Variants in UBN2 observed in about 807,000 individuals in gnomAD.
UBN2 encodes the protein ubinuclein-2.
Under a neutral mutation model 120.2 loss-of-function variants are expected in UBN2, and 35 were observed. That is an observed-to-expected ratio of 0.29 (90% CI 0.22 to 0.39). The LOEUF (loss-of-function observed/expected upper bound fraction) is 0.39, where lower values mean the gene tolerates loss of function less well. Among genes scored for constraint, UBN2 ranks in the 10% least tolerant of loss-of-function variants. UBN2 has a pLI of 1.00. For missense variants in UBN2, 1,693 were observed against 1,663.2 expected (o/e 1.02, Z -0.31); for synonymous variants, 661 against 648.7 (o/e 1.02, Z -0.29).
chr7:139,284,613 AT>A, intron 15 of UBN2, 39 bp downstream of exon 15: 4 of 1,527,406 alleles, frequency 2.6e-6, no homozygotes, highest in Non-Finnish European at 3.5e-6. Context: ...AAACTATAAG[AT>A]TGTATAATGT....
chr7:139,288,778 C>T (rs1024303794), intron 15 of UBN2, among the ~76,000 whole-genome samples: 2 of 151,776 alleles, frequency 1.3e-5, no homozygotes, highest in Admixed American at 6.6e-5. Flanking sequence ...CCGAGGTGAG[C>T]GGATCACGAG....
chr7:139,326,873 T>G, the UBN2 span, among the ~76,000 whole-genome samples: 17 of 152,222 alleles, frequency 1.1e-4, no homozygotes, highest in Admixed American at 2.6e-4. Flanking sequence ...GTGGTGACTG[T>G]GCCTGGGATT....
intron 6 of UBN2, among the ~76,000 whole-genome samples, chr7:139,265,020 C>T (rs1430561876): frequency 6.6e-6 from 1 of 152,126 alleles, no homozygotes; most frequent in African/African-American, 2.4e-5. Flanking sequence ...ATACCAGGAA[C>T]ATTTGAATTA....
chr7:139,309,717 C>A (rs1798423859), downstream of UBN2, among the ~76,000 whole-genome samples: 1 of 152,054 alleles, frequency 6.6e-6, no homozygotes, highest in Non-Finnish European at 1.5e-5. Context: ...ACTAAAAATA[C>A]AAAATTAGCT....
chr7:139,269,838 G>C (rs940998471), intron 8 of UBN2, among the ~76,000 whole-genome samples: 2 of 150,370 alleles, frequency 1.3e-5, no homozygotes, highest in Non-Finnish European at 3.0e-5. Context: ...ACGGGGTCTT[G>C]CCCCGTTGCC....
At chr7:139,326,116 C>T in the UBN2 span, among the ~76,000 whole-genome samples, 10 of 151,938 alleles carry the variant, frequency 6.6e-5, no homozygotes, top group Non-Finnish European at 1.3e-4. Context: ...ATTAACCAGG[C>T]GTGGTGGTGT....
At chr7:139,313,999 C>A in the UBN2 span, among the ~76,000 whole-genome samples, 126 of 151,446 alleles carry the variant, frequency 8.3e-4, no homozygotes, top group African/African-American at 2.6e-3. Context: ...CAGGCGTGTG[C>A]CACCATGCCT....
intron 3 of UBN2, among the ~76,000 whole-genome samples, chr7:139,258,126 T>C (rs1464384830): frequency 2.0e-5 from 3 of 152,256 alleles, no homozygotes; most frequent in Non-Finnish European, 4.4e-5. Context: ...TTACTCCTTA[T>C]CTGGACACTT....
In UBN2 at chr7:139,283,543, G is replaced by A; in HGVS notation, c.2638G>A (p.Gly880Arg). The A allele has an allele frequency of 6.2e-7, 1 of 1,614,124 alleles. No homozygotes were observed. The highest frequency in any genetic ancestry group is 1.3e-5 in the African/African-American group (1 of 74,996). Reference sequence around the variant, plus strand: ...TTTGCCAGCCAGGCTACTTCAACAAGGACTTCAGAGGTCAAGCCAGATTCA... The same window carrying A: ...TTTGCCAGCCAGGCTACTTCAACAAAGACTTCAGAGGTCAAGCCAGATTCA... Reference protein sequence around the residue: ...EPLPARLLQQGLQRSSQIHTS... With the variant: ...EPLPARLLQQRLQRSSQIHTS... The change falls in exon 15 of 18, where the codon GGA becomes AGA. Residue 880 changes from glycine to arginine, a missense_variant. Coordinates refer to ENST00000473989, the MANE Select transcript of UBN2 (RefSeq NM_173569.4).
intron 9 of UBN2, 102 bp downstream of exon 9, chr7:139,272,542 T>C: frequency 1.4e-6 from 1 of 703,220 alleles, no homozygotes; most frequent in Non-Finnish European, 2.1e-6. Context: ...ATGTATGTAT[T>C]TTGAGACGGA....
chr7:139,265,663 A>G (rs1338290344), intron 6 of UBN2, among the ~76,000 whole-genome samples: 1 of 152,120 alleles, frequency 6.6e-6, no homozygotes, highest in Non-Finnish European at 1.5e-5. Flanking sequence ...AATCACTTGT[A>G]TGCTTAGAAG....
intron 15 of UBN2, among the ~76,000 whole-genome samples, chr7:139,287,931 AAT>A (rs1383808845): frequency 3.3e-5 from 5 of 152,082 alleles, no homozygotes; most frequent in Non-Finnish European, 7.4e-5. Flanking sequence ...GCAGAGTGAA[AAT>A]GACAGGTCCT....
chr7:139,284,714 C>G (rs1797730751), intron 15 of UBN2, 140 bp downstream of exon 15: 2 of 735,378 alleles, frequency 2.7e-6, no homozygotes, highest in Non-Finnish European at 4.3e-6. Flanking sequence ...ATGGAATGTT[C>G]CTGATGCTGA....
At chr7:139,234,753 A>T (rs1425594156) in intron 1 of UBN2, among the ~76,000 whole-genome samples, 1 of 152,244 alleles carries the variant, frequency 6.6e-6, no homozygotes, top group Non-Finnish European at 1.5e-5. Context: ...GCTTAATTGA[A>T]CATTTACTGT....
chr7:139,243,511 T>C (rs1796377795), intron 2 of UBN2, among the ~76,000 whole-genome samples: 1 of 152,226 alleles, frequency 6.6e-6, no homozygotes, highest in East Asian at 1.9e-4. Flanking sequence ...TGAGTTTCTT[T>C]AGGTTAAATT....
rs1554480228 is a variant in UBN2, at chr7:139,304,706, G to GGGGTGTGTGTGTGTGTGTGTGTGT, written c.*6871_*6872insGGTGTGTGTGTGTGTGTGTGTGTG. The GGGGTGTGTGTGTGTGTGTGTGTGT allele has an allele frequency of 1.1e-4, 15 of 140,478 alleles. No homozygotes were observed. In the East Asian group the frequency reaches 1.7e-3, roughly 16 times the overall value. The allele number at this position is 140,478 out of a possible 1,614,324, so 8.7% of individuals were successfully genotyped here. A position where few individuals can be genotyped will look rare whatever the true frequency, so the allele number is the denominator to read the frequency against. On this transcript the variant is annotated 3_prime_UTR_variant, in exon 18 of 18. Transcript: ENST00000473989. Reference sequence around the variant, plus strand: ...AGGTCCACTGAATCTCTAATGATAGGGTGTGTGTGTGTGTGTGTGTGTGTG... The same window carrying GGGGTGTGTGTGTGTGTGTGTGTGT: ...AGGTCCACTGAATCTCTAATGATAGGGGGTGTGTGTGTGTGTGTGTGTGTGTGTGTGTGTGTGTGTGTGTGTGTG...
intron 10 of UBN2, among the ~76,000 whole-genome samples, 190 bp from the exon 11 acceptor site, chr7:139,273,741 C>T (rs921851516): frequency 6.6e-6 from 1 of 152,154 alleles, no homozygotes; most frequent in African/African-American, 2.4e-5. Flanking sequence ...CCATCCCTTT[C>T]AATCTTTGGT....
intron 3 of UBN2, among the ~76,000 whole-genome samples, chr7:139,257,470 A>G (rs1461712428): frequency 6.6e-6 from 1 of 152,086 alleles, no homozygotes; most frequent in Non-Finnish European, 1.5e-5. Flanking sequence ...GTGCAGTGGT[A>G]TGATCTTGGC....
intron 11 of UBN2, among the ~76,000 whole-genome samples, chr7:139,275,844 A>G (rs1022851093): frequency 2.0e-5 from 3 of 152,126 alleles, no homozygotes; most frequent in African/African-American, 7.2e-5. Context: ...GCATGGTGGC[A>G]CACACCTGTA....
Sources: allele counts gnomAD v4.1 joint callset (sites outside exome capture counted in the v4.1 genomes callset), GRCh38; gene constraint gnomAD v4.1.1; transcripts MANE v1.5; gene names NCBI Gene and HGNC (gene_info 2026-07-23, HGNC 2026-07-21).